Variants in ALDH18A1 observed in about 807,000 individuals in gnomAD.
ALDH18A1 encodes the protein delta-1-pyrroline-5-carboxylate synthase.
ALDH18A1 carries 44 observed loss-of-function variants against 88.8 expected under a neutral mutation model. The ratio of observed to expected loss-of-function variants is 0.50; its 90% CI spans 0.39 to 0.64. ALDH18A1 has a LOEUF of 0.64. Among genes scored for constraint, ALDH18A1 ranks in the 30% least tolerant of loss-of-function variants. The pLI is 0.00. For synonymous variants in ALDH18A1, 331 were observed against 372.1 expected, an observed-to-expected ratio of 0.89 and a Z score of 1.27; for missense variants, 782 against 1,009.5, an observed-to-expected ratio of 0.77 and a Z score of 3.05.
chr10:95,651,373 TA>T (rs2097910153), intron 2 of ALDH18A1, among the ~76,000 whole-genome samples: 1 of 152,192 alleles, frequency 6.6e-6, no homozygotes, highest in African/African-American at 2.4e-5. Flanking sequence ...AGTAGGAATG[TA>T]AAATGGTACT....
intron 3 of ALDH18A1, among the ~76,000 whole-genome samples, chr10:95,641,037 T>G (rs938865370): frequency 3.3e-5 from 5 of 152,172 alleles, no homozygotes; most frequent in Non-Finnish European, 7.4e-5. Context: ...TTCCTGCCTG[T>G]CCTCTACCTG....
chr10:95,647,960 C>T (rs1326780475), intron 2 of ALDH18A1, among the ~76,000 whole-genome samples: 1 of 152,234 alleles, frequency 6.6e-6, no homozygotes, highest in East Asian at 1.9e-4. Flanking sequence ...CTACATATCT[C>T]TTCATCTGTT....
intron 13 of ALDH18A1, among the ~76,000 whole-genome samples, chr10:95,616,027 G>A (rs1468093890): frequency 6.6e-6 from 1 of 152,152 alleles, no homozygotes; most frequent in Non-Finnish European, 1.5e-5. Context: ...AGGAGAATGA[G>A]AAATGGTCAG....
intron 13 of ALDH18A1, among the ~76,000 whole-genome samples, chr10:95,615,153 T>A (rs1454829938): frequency 6.6e-6 from 1 of 151,828 alleles, no homozygotes; most frequent in Non-Finnish European, 1.5e-5. Flanking sequence ...TGAAACCCTG[T>A]CTCTACAAAA....
intron 2 of ALDH18A1, among the ~76,000 whole-genome samples, chr10:95,649,178 G>A (rs1332742578): frequency 6.6e-6 from 1 of 152,056 alleles, no homozygotes; most frequent in African/African-American, 2.4e-5. Context: ...GTTGAAAGAT[G>A]AACATTGACC....
chr10:95,649,377 C>T lies in ALDH18A1; in HGVS notation c.88+3913G>A, dbSNP rs1409250121. Among the ~76,000 whole-genome samples, 7 of 105,272 alleles carry T rather than the reference C, an allele frequency of 6.6e-5. No individual in the cohort carries two copies. The South Asian group carries it at 1.2e-3, about 18-fold the overall frequency. The allele number at this position is 105,272 out of a possible 152,430, so 69.1% of individuals were successfully genotyped here. On this transcript the variant is annotated intron_variant, in intron 2 of 17. Coordinates refer to ENST00000371224, the MANE Select transcript of ALDH18A1 (RefSeq NM_002860.4). ...TTTTTTTTTTTTTTTTTTTTTGAAA[C>T]GGAGTCTCACTCTGTCACCCAGGCT...
rs185225282 is a variant in ALDH18A1 at position 95,655,905 on chromosome 10, C to A, written c.-29+692G>T. Among the ~76,000 whole-genome samples the A allele has an allele frequency of 7.1e-3, 1,082 of 152,248 alleles. 4 individuals are homozygous for A. Among genetic ancestry groups the A allele is most frequent in the Non-Finnish European group, 0.01 (712 of 68,014 alleles). ...AACCTCAGTCCCAGCACAGTTCACCCACAAACACATGCTCGGTATATGGCT... is the reference window on the plus strand; with the variant it reads ...AACCTCAGTCCCAGCACAGTTCACCAACAAACACATGCTCGGTATATGGCT... On this transcript the variant is annotated intron_variant, in intron 1 of 17. Transcript: ENST00000371224.
Position 95,614,064 on chromosome 10 carries a change from T to C in ALDH18A1, c.1703A>G (p.Gln568Arg), listed in dbSNP as rs370563590. ...RGSSQLVRDI[Q>R]KAAKGIPVMG... ...CACTGGAATCCCCTTAGCAGCTTTC[T>C]GGATGTCTCTGACCAGCTGGGAAGA... is the stretch of plus-strand genomic sequence containing the variant. Residue 568 changes from glutamine (Q) to arginine (R), a missense_variant, in exon 14 of 18, where the codon CAG becomes CGG. Around this residue, in one of 3 missense-constraint regions of ALDH18A1, gnomAD observed 556 missense variants for 654.5 expected, o/e 0.85. Coordinates refer to ENST00000371224, the MANE Select transcript of ALDH18A1 (RefSeq NM_002860.4). The C allele has an allele frequency of 5.0e-6, 8 of 1,614,100 alleles. No homozygotes were observed. The African/African-American group carries it at 8.0e-5, about 16-fold the overall frequency.
At chr10:95,630,974 A>C (rs1240130603) in intron 7 of ALDH18A1, among the ~76,000 whole-genome samples, 1 of 152,096 alleles carries the variant, frequency 6.6e-6, no homozygotes, top group Admixed American at 6.5e-5. Context: ...CCCTTACCTC[A>C]CAACTGCTTG....
At chr10:95,608,795 G>T (rs1158107054) in intron 17 of ALDH18A1, among the ~76,000 whole-genome samples, 2 of 152,118 alleles carry the variant, frequency 1.3e-5, no homozygotes, top group Non-Finnish European at 2.9e-5. Context: ...GCCACTGCCC[G>T]TGGCCTAAAA....
intron 12 of ALDH18A1, among the ~76,000 whole-genome samples, chr10:95,620,564 A>C (rs2139565999): frequency 6.6e-6 from 1 of 152,350 alleles, no homozygotes; most frequent in Middle Eastern, 3.4e-3. Flanking sequence ...TGGATTAAGA[A>C]AACGTGGCAC....
intron 7 of ALDH18A1, among the ~76,000 whole-genome samples, chr10:95,632,167 G>A (rs1317899350): frequency 6.6e-6 from 1 of 152,176 alleles, no homozygotes; most frequent in African/African-American, 2.4e-5. Flanking sequence ...AAAATTTCCA[G>A]AACAGGTTAA....
chr10:95,624,848 G>A (rs2097858191), intron 11 of ALDH18A1, among the ~76,000 whole-genome samples: 1 of 152,204 alleles, frequency 6.6e-6, no homozygotes, highest in South Asian at 2.1e-4. Context: ...CACATGTACA[G>A]TCCATCTGTG....
chr10:95,642,423 GAGCAACAT>G (rs1406871223), intron 3 of ALDH18A1, among the ~76,000 whole-genome samples: 1 of 152,098 alleles, frequency 6.6e-6, no homozygotes, highest in Non-Finnish European at 1.5e-5. Context: ...AAACCAGCCT[GAGCAACAT>G]AGCAAGACCC....
chr10:95,632,899 G>T, intron 7 of ALDH18A1, 60 bp downstream of exon 7: 1 of 1,387,090 alleles, frequency 7.2e-7, no homozygotes, highest in Non-Finnish European at 1.0e-6. Context: ...AAACTCATGT[G>T]CTCACATATG....
rs2139591398 is a variant in ALDH18A1, at chr10:95,627,484, C to T, written c.1036G>A (p.Gly346Arg). The T allele has an allele frequency of 6.2e-7, 1 of 1,614,156 alleles. No homozygotes were observed. The highest frequency in any genetic ancestry group is 8.5e-7 in the Non-Finnish European group (1 of 1,179,994). The change falls in exon 9 of 18, where the codon GGG becomes AGG. Residue 346 changes from glycine (G) to arginine (R), a missense_variant. Around this residue, in one of 3 missense-constraint regions of ALDH18A1, gnomAD observed 556 missense variants for 654.5 expected, o/e 0.85. Coordinates refer to ENST00000371224, the MANE Select transcript of ALDH18A1 (RefSeq NM_002860.4). ...GAAAAGAAGGTACCAACTTTCTTCCCCTCCACAATGTCTGTGATGACGTGC... is the reference window on the plus strand; with the variant it reads ...GAAAAGAAGGTACCAACTTTCTTCCTCTCCACAATGTCTGTGATGACGTGC... ...SGHVITDIVE[G>R]KKVGTFFSEV...
At chr10:95,623,714 C>T (rs185354204) in intron 11 of ALDH18A1, among the ~76,000 whole-genome samples, 208 of 152,212 alleles carry the variant, frequency 1.4e-3, no homozygotes, top group Non-Finnish European at 2.0e-3. Flanking sequence ...TACAGGCATG[C>T]GCCACCAAGC....
At chr10:95,614,208 A>C in intron 13 of ALDH18A1, 47 bp from the exon 14 acceptor site, 1 of 1,585,528 alleles carries the variant, frequency 6.3e-7, no homozygotes, top group Non-Finnish European at 8.6e-7. Flanking sequence ...CTGACCACAC[A>C]AAATATAAAA....
At chr10:95,644,599 C>G (rs1164266564) in intron 2 of ALDH18A1, among the ~76,000 whole-genome samples, 1 of 152,210 alleles carries the variant, frequency 6.6e-6, no homozygotes, top group African/African-American at 2.4e-5. Context: ...TTACTACTTA[C>G]CCATTCGCCC....
Sources: allele counts gnomAD v4.1 joint callset (sites outside exome capture counted in the v4.1 genomes callset), GRCh38; gene constraint gnomAD v4.1.1; regional missense constraint gnomAD v4.1.1; transcripts MANE v1.5; gene names NCBI Gene and HGNC (gene_info 2026-07-23, HGNC 2026-07-21).